The following BANK1 variants were observed in gnomAD, a reference collection of about 807,000 sequenced individuals.
BANK1 encodes the protein B cell scaffold protein with ankyrin repeats 1.
In BANK1, 95 loss-of-function variants were observed where a neutral mutation model predicts 94.5. The observed-to-expected ratio is 1.00, with a 90% CI of 0.85 to 1.19. BANK1 has a LOEUF of 1.19. BANK1 is among the 50% of genes most tolerant of loss of function. BANK1 has a pLI of 0.00. For synonymous variants in BANK1, 334 were observed against 308.4 expected, an observed-to-expected ratio of 1.08 and a Z score of -0.87; for missense variants, 987 against 932.2, an observed-to-expected ratio of 1.06 and a Z score of -0.77.
intron 7 of BANK1, among the ~76,000 whole-genome samples, chr4:101,936,540 A>G (rs552838641): frequency 1.0e-3 from 157 of 150,674 alleles, no homozygotes; most frequent in African/African-American, 3.4e-3. Context: ...AAGATGATAC[A>G]CATACACGTA....
chr4:102,067,622 T>A (rs1169713330), intron 13 of BANK1, among the ~76,000 whole-genome samples: 1 of 151,932 alleles, frequency 6.6e-6, no homozygotes, highest in Admixed American at 6.5e-5. Flanking sequence ...AGAGCGATTC[T>A]AAATATCTGC....
chr4:101,877,637 T>A (rs78845562), intron 5 of BANK1, among the ~76,000 whole-genome samples: 269 of 152,194 alleles, frequency 1.8e-3, no homozygotes, highest in African/African-American at 6.1e-3. Context: ...AAATAATATT[T>A]GCTTTGGGAG....
Position 101,792,937 on chromosome 4 carries a change from A to G in BANK1, c.70+1987A>G, listed in dbSNP as rs540983469. ...TCTGGTTTGTATTTAACTATATATT[A>G]CTATCAATGTCCAAAAGAGAGATTC... is the stretch of plus-strand genomic sequence containing the variant. On this transcript the variant is annotated intron_variant, in intron 1 of 16. Coordinates refer to ENST00000322953, the MANE Select transcript of BANK1 (RefSeq NM_017935.5). 2.9e-4 allele frequency among the ~76,000 whole-genome samples: 44 copies of G among 152,338 alleles called. 1 individual carries two copies. In the South Asian group the frequency reaches 8.9e-3, roughly 31 times the overall value.
At chr4:101,964,205 A>T (rs917744348) in intron 7 of BANK1, among the ~76,000 whole-genome samples, 1 of 152,048 alleles carries the variant, frequency 6.6e-6, no homozygotes, top group Non-Finnish European at 1.5e-5. Flanking sequence ...TATTCATTGC[A>T]TTGCTCTGTA....
At chr4:101,984,700 T>A (rs1011585825) in intron 7 of BANK1, among the ~76,000 whole-genome samples, 1 of 151,964 alleles carries the variant, frequency 6.6e-6, no homozygotes. Context: ...GAAAATGAGA[T>A]TCTGTGGGGA....
rs556889144 is a variant in BANK1, at chr4:101,795,795, A to G, written c.70+4845A>G. 9.9e-5 allele frequency among the ~76,000 whole-genome samples: 15 copies of G among 152,280 alleles called. No homozygotes were observed. In the South Asian group the frequency reaches 3.1e-3, roughly 32 times the overall value. ...TTTGTAGGTCAGAGACCTTTCCTTT[A>G]TCACTTCCTATAGATCCACAGCCAT... On this transcript the variant is annotated intron_variant, in intron 1 of 16. Transcript: ENST00000322953.
At chr4:101,959,632 T>C in intron 7 of BANK1, among the ~76,000 whole-genome samples, 1 of 152,196 alleles carries the variant, frequency 6.6e-6, no homozygotes, top group South Asian at 2.1e-4. Context: ...TTCACCTGTG[T>C]TATCTGCAAG....
Position 102,072,373 on chromosome 4 carries a change from GT to G in BANK1, c.2275del (p.Tyr759IlefsTer46). On this transcript the variant is annotated frameshift_variant, in exon 15 of 17. Coordinates refer to ENST00000322953, the MANE Select transcript of BANK1 (RefSeq NM_017935.5). LOFTEE classifies it high-confidence loss of function. ...GKETAHNENKFYNVHFSNKLP... is the reference protein window; with the variant it reads ...GKETAHNENKXYNVHFSNKLP... ...AGGAAACTGCCCACAATGAAAATAA[GT>G]TTTATAATGTACACTTCAGCAATAA... 1 of 1,596,206 alleles carries G rather than the reference GT, an allele frequency of 6.3e-7. No individual in the cohort carries two copies. The highest frequency in any genetic ancestry group is 8.6e-7 in the Non-Finnish European group (1 of 1,164,574).
At chr4:102,072,739 G>A (rs1478843764) in intron 15 of BANK1, among the ~76,000 whole-genome samples, 1 of 152,150 alleles carries the variant, frequency 6.6e-6, no homozygotes. Flanking sequence ...AATGTATACA[G>A]TCCTTAAACT....
At chr4:101,976,065 CT>C (rs1214549710) in intron 7 of BANK1, among the ~76,000 whole-genome samples, 1 of 152,114 alleles carries the variant, frequency 6.6e-6, no homozygotes, top group Admixed American at 6.6e-5. Flanking sequence ...TTTTCAGCAC[CT>C]TGTATGTGTA....
intron 2 of BANK1, among the ~76,000 whole-genome samples, chr4:101,840,739 T>C (rs1028241195): frequency 3.7e-4 from 57 of 152,362 alleles, no homozygotes; most frequent in African/African-American, 1.3e-3. Flanking sequence ...CTCTCAGCTC[T>C]GAAGGCTGTG....
chr4:102,055,786 A>G (rs1486641341), intron 11 of BANK1, among the ~76,000 whole-genome samples: 1 of 152,206 alleles, frequency 6.6e-6, no homozygotes, highest in Non-Finnish European at 1.5e-5. Flanking sequence ...CTAACGGGAA[A>G]TTAAATCCTC....
At chr4:101,863,061 A>G (rs971015436) in intron 4 of BANK1, among the ~76,000 whole-genome samples, 12 of 151,484 alleles carry the variant, frequency 7.9e-5, no homozygotes, top group Admixed American at 4.6e-4. Flanking sequence ...TTTTCCCCCA[A>G]GTCTCTGGTA....
intron 1 of BANK1, among the ~76,000 whole-genome samples, chr4:101,798,468 T>G (rs1003135268): frequency 6.6e-6 from 1 of 151,918 alleles, no homozygotes; most frequent in African/African-American, 2.4e-5. Context: ...GTAGATTTTC[T>G]TATGTGTTTA....
Position 101,829,875 on chromosome 4 carries a change from A to G in BANK1, c.138A>G (p.Glu46=). The G allele has an allele frequency of 5.0e-6, 8 of 1,611,900 alleles. No individual in the cohort carries two copies. The highest frequency in any genetic ancestry group is 5.9e-6 in the Non-Finnish European group (7 of 1,178,404). ...AGGAATGGGCTCTGTACTTGACAGA[A>G]GTATTTTTACATGTTGTGAAAAGGG... ...DAEEWALYLT[E]VFLHVVKREA... The change falls in exon 2 of 17, where the codon GAA becomes GAG. Residue 46 remains glutamate (E), a synonymous_variant. Transcript: ENST00000322953.
chr4:101,996,042 A>G (rs1020419059), intron 7 of BANK1, among the ~76,000 whole-genome samples: 37 of 151,264 alleles, frequency 2.4e-4, no homozygotes, highest in Non-Finnish European at 1.9e-4. Flanking sequence ...CCTGCAGGGT[A>G]TTGCCTAGGT....
chr4:101,825,615 C>T (rs1013169982), intron 1 of BANK1, among the ~76,000 whole-genome samples: 9 of 151,978 alleles, frequency 5.9e-5, no homozygotes, highest in African/African-American at 2.2e-4. Flanking sequence ...ACTAACAGGA[C>T]CAACTTCCTG....
At position 101,906,437 on chromosome 4, in the gene BANK1, G is replaced by A. The variant is rs112898151; in HGVS notation, c.1009+11027G>A. On this transcript the variant is annotated intron_variant, in intron 6 of 16. Transcript: ENST00000322953. ...TGCCTGAATAGAACTAAGAGTGGTCGTTCAAGGCGCTGCTCAGTCACTGGG... is the reference window on the plus strand; with the variant it reads ...TGCCTGAATAGAACTAAGAGTGGTCATTCAAGGCGCTGCTCAGTCACTGGG... 6.6e-3 allele frequency among the ~76,000 whole-genome samples: 1,011 copies of A among 152,230 alleles called. 10 individuals are homozygous for A. Among genetic ancestry groups the A allele is most frequent in the African/African-American group, 0.023 (962 of 41,528 alleles).
At chr4:101,907,878 A>G (rs945133533) in intron 6 of BANK1, among the ~76,000 whole-genome samples, 90 of 152,344 alleles carry the variant, frequency 5.9e-4, no homozygotes, top group Non-Finnish European at 9.1e-4. Flanking sequence ...AAGGAGAACT[A>G]CAAACCACTG....
Sources: gnomAD v4.1 joint callset for allele counts (sites outside exome capture counted in the v4.1 genomes callset) on GRCh38, gnomAD v4.1.1 for gene constraint, MANE v1.5 for transcripts, NCBI Gene and HGNC (gene_info 2026-07-23, HGNC 2026-07-21) for gene names.